ASIC2: variants seen among roughly 807,000 people sequenced by gnomAD.
ASIC2 encodes the protein acid-sensing ion channel 2.
A neutral mutation model predicts 57.3 loss-of-function variants in ASIC2; 25 were observed. The observed-to-expected ratio is 0.44, with a 90% confidence interval of 0.32 to 0.61. The LOEUF (loss-of-function observed/expected upper bound fraction) is 0.61. Ranked by LOEUF, ASIC2 falls within the 20% of genes least tolerant of loss-of-function variation. ASIC2 has a pLI of 0.06. For missense variants in ASIC2, 641 were observed against 738.1 expected, an observed-to-expected ratio of 0.87 and a Z score of 1.52; for synonymous variants, 319 against 307.5, an observed-to-expected ratio of 1.04 and a Z score of -0.39.
rs377699716 is a variant in ASIC2 at position 33,081,735 on chromosome 17, C to T, written c.987+7128G>A. Among the ~76,000 whole-genome samples, 144 of 152,266 alleles carry T rather than the reference C, an allele frequency of 9.5e-4. 1 individual carries two copies. The highest frequency in any genetic ancestry group is 3.2e-3 in the African/African-American group (133 of 41,572). On this transcript the variant is annotated intron_variant, in intron 3 of 9. Coordinates refer to ENST00000225823, the MANE Select transcript of ASIC2 (RefSeq NM_183377.2). ...TTGTCAAAAGCAGGCAGTGGGCATC[C>T]CACCAAGCTGCTGGGCCTTTTTATT...
intron 1 of ASIC2, among the ~76,000 whole-genome samples, chr17:33,130,300 C>G (rs930840541): frequency 6.6e-6 from 1 of 152,188 alleles, no homozygotes; most frequent in African/African-American, 2.4e-5. Flanking sequence ...CTTCCTCCCC[C>G]TCCTCATCTT....
chr17:33,013,903 C>T lies in ASIC2; in HGVS notation c.*62G>A. The T allele has an allele frequency of 1.4e-6, 2 of 1,409,258 alleles. No homozygotes were observed. Among genetic ancestry groups the T allele is most frequent in the South Asian group, 2.5e-5 (2 of 81,120 alleles). The allele number at this position is 1,409,258 out of a possible 1,614,324, so 87.3% of individuals were successfully genotyped here. Reference sequence around the variant, plus strand: ...GCCATCCCACCTGAGCTTGCTGTTCCTTGTCCTGGGTCTTGGGCCTCAAGG... The same window carrying T: ...GCCATCCCACCTGAGCTTGCTGTTCTTTGTCCTGGGTCTTGGGCCTCAAGG... On this transcript the variant is annotated 3_prime_UTR_variant, in exon 10 of 10. Coordinates refer to ENST00000225823, the MANE Select transcript of ASIC2 (RefSeq NM_183377.2).
At chr17:34,016,980 C>G (rs147785455) in intron 1 of ASIC2, among the ~76,000 whole-genome samples, 1 of 152,322 alleles carries the variant, frequency 6.6e-6, no homozygotes, top group East Asian at 1.9e-4. Flanking sequence ...GTGTTACCAA[C>G]TACTTTAAAA....
intron 1 of ASIC2, among the ~76,000 whole-genome samples, chr17:33,425,357 G>A (rs1231597544): frequency 6.6e-6 from 1 of 152,232 alleles, no homozygotes; most frequent in Non-Finnish European, 1.5e-5. Context: ...CAAAGCCAGT[G>A]ATCTTTCTAT....
At chr17:33,521,589 G>A (rs1424130730) in intron 1 of ASIC2, among the ~76,000 whole-genome samples, 2 of 152,216 alleles carry the variant, frequency 1.3e-5, no homozygotes, top group African/African-American at 2.4e-5. Context: ...CCTGCTGAGA[G>A]TCTGGCAGAG....
intron 9 of ASIC2, 130 bp from the exon 10 acceptor site, chr17:33,014,196 G>T: frequency 1.4e-6 from 1 of 725,136 alleles, no homozygotes; most frequent in Non-Finnish European, 2.5e-6. Flanking sequence ...CCAGACATCT[G>T]ATAGGCTAGT....
intron 1 of ASIC2, among the ~76,000 whole-genome samples, chr17:33,721,471 C>A (rs964475132): frequency 1.3e-5 from 2 of 152,186 alleles, no homozygotes; most frequent in Admixed American, 6.5e-5. Context: ...CCTAAGCAAA[C>A]CCCCAGGTCT....
chr17:33,082,689 A>G (rs2092117625), intron 3 of ASIC2, among the ~76,000 whole-genome samples: 2 of 147,678 alleles, frequency 1.4e-5, no homozygotes, highest in South Asian at 2.2e-4. Context: ...ACAGAGTGAG[A>G]CTCTGTCTCC....
chr17:33,917,326 C>G lies in ASIC2; in HGVS notation c.555+238652G>C, dbSNP rs186407265. 5.1e-3 allele frequency among the ~76,000 whole-genome samples: 772 copies of G among 152,252 alleles called. 5 individuals are homozygous for G. The highest frequency in any genetic ancestry group is 7.8e-3 in the Non-Finnish European group (530 of 68,020). On this transcript the variant is annotated intron_variant, in intron 1 of 9. Transcript: ENST00000359872. Reference sequence around the variant, plus strand: ...TTAAATCTCCCCAGCGCCATCTTCCCCAGAACCCTCAATCCCAAACTTGCT... The same window carrying G: ...TTAAATCTCCCCAGCGCCATCTTCCGCAGAACCCTCAATCCCAAACTTGCT...
At chr17:33,021,095 A>C in intron 7 of ASIC2, 124 bp downstream of exon 7, 1 of 651,942 alleles carries the variant, frequency 1.5e-6, no homozygotes, top group East Asian at 2.9e-5. Flanking sequence ...ATTATTAGTA[A>C]ATCAAAAGGT....
At chr17:33,551,282 G>A (rs570817964) in intron 1 of ASIC2, among the ~76,000 whole-genome samples, 4 of 152,072 alleles carry the variant, frequency 2.6e-5, no homozygotes, top group Non-Finnish European at 5.9e-5. Context: ...TTTGCATTCC[G>A]GAAAGATTCT....
chr17:33,428,973 G>A (rs17185140), intron 1 of ASIC2, among the ~76,000 whole-genome samples: 58,333 of 152,020 alleles, frequency 0.38, 11,635 homozygotes, highest in Non-Finnish European at 0.42. Flanking sequence ...TCATCCTGAT[G>A]AAACCTGCAA....
At chr17:33,450,677 T>C (rs1237591991) in intron 1 of ASIC2, among the ~76,000 whole-genome samples, 1 of 152,216 alleles carries the variant, frequency 6.6e-6, no homozygotes, top group Admixed American at 6.5e-5. Context: ...TTTGTTACAA[T>C]AAAACCTTGT....
At chr17:34,082,251 A>G (rs1186324717) in intron 1 of ASIC2, 2 of 152,220 alleles carry the variant, frequency 1.3e-5, no homozygotes, top group African/African-American at 2.4e-5. Context: ...AGATGAGAAC[A>G]CTAGAGTCAT....
intron 1 of ASIC2, chr17:33,112,835 T>C (rs912364586): frequency 1.8e-4 from 27 of 152,238 alleles, no homozygotes; most frequent in African/African-American, 6.5e-4. Flanking sequence ...TGAGTCATTC[T>C]GGAATGCAAA....
chr17:33,021,352 C>T (rs548871633), intron 6 of ASIC2, 42 bp from the exon 7 acceptor site: 2 of 1,456,162 alleles, frequency 1.4e-6, no homozygotes, highest in African/African-American at 1.4e-5. Context: ...TTAGAGCTAT[C>T]AGCATTCACA....
rs184378121 is a variant in ASIC2 at position 33,110,288 on chromosome 17, T to C, written c.859+1629A>G. Among the ~76,000 whole-genome samples the C allele has an allele frequency of 6.0e-4, 92 of 152,298 alleles. 2 individuals are homozygous for C. The East Asian group carries it at 9.1e-3, about 15-fold the overall frequency. On this transcript the variant is annotated intron_variant, in intron 2 of 9. Transcript: ENST00000225823. Reference sequence around the variant, plus strand: ...CTTTGGGGACCAAGACTCCACCCCCTGGACTCCGGGTTGTCTACAGGCCCC... The same window carrying C: ...CTTTGGGGACCAAGACTCCACCCCCCGGACTCCGGGTTGTCTACAGGCCCC...
intron 1 of ASIC2, among the ~76,000 whole-genome samples, chr17:33,448,450 A>G (rs1164952456): frequency 1.3e-5 from 2 of 152,220 alleles, no homozygotes; most frequent in Middle Eastern, 3.2e-3. Flanking sequence ...GATTGGCCCT[A>G]TGTGTCTTAG....
chr17:33,982,069 C>G lies in ASIC2; in HGVS notation c.555+173909G>C, dbSNP rs142083600. ...GCTAAGCACCTGAGTAAATGGGAAG[C>G]TTAGACAGATCTGCATCCTTGTTCT... On this transcript the variant is annotated intron_variant, in intron 1 of 9. Transcript: ENST00000359872. Among the ~76,000 whole-genome samples, 527 of 152,300 alleles carry G rather than the reference C, an allele frequency of 3.5e-3. 3 individuals are homozygous for G. Among genetic ancestry groups the G allele is most frequent in the African/African-American group, 0.012 (501 of 41,564 alleles).
Sources: gnomAD v4.1 joint callset for allele counts (sites outside exome capture counted in the v4.1 genomes callset) on GRCh38, gnomAD v4.1.1 for gene constraint, MANE v1.5 for transcripts, NCBI Gene and HGNC (gene_info 2026-07-23, HGNC 2026-07-21) for gene names.